ATG16L2: variants seen among roughly 807,000 people sequenced by gnomAD.
ATG16L2 encodes autophagy related 16 like 2, also known as protein Atg16l2.
ATG16L2 carries 77 observed loss-of-function variants against 84.7 expected under a neutral mutation model. That is an observed-to-expected ratio of 0.91 (90% CI 0.76 to 1.10). The LOEUF (loss-of-function observed/expected upper bound fraction) is 1.10, where lower values mean the gene tolerates loss of function less well. Among genes scored for constraint, ATG16L2 ranks in the 50% least tolerant of loss-of-function variants. The pLI, the probability that ATG16L2 is intolerant of heterozygous loss-of-function variation, is 0.00. For synonymous variants in ATG16L2, 361 were observed against 342.8 expected, an observed-to-expected ratio of 1.05 and a Z score of -0.59; for missense variants, 782 against 817.6, an observed-to-expected ratio of 0.96 and a Z score of 0.53.
rs772692861 is a variant in ATG16L2 at position 72,822,427 on chromosome 11, C to G, written c.645-51C>G. On this transcript the variant is annotated intron_variant, in intron 5 of 17. Coordinates refer to ENST00000321297, the MANE Select transcript of ATG16L2 (RefSeq NM_033388.2). The surrounding 1 kb of genome is among the most constrained non-coding windows in gnomAD (Gnocchi z 4.2). ...AGGAAGGGACCGGGTCTAGCCCCGC[C>G]TGCGTGCGAGGCGCCGCGCCAGGGT... 1 of 1,611,052 alleles carries G rather than the reference C, an allele frequency of 6.2e-7. No homozygotes were observed. The highest frequency in any genetic ancestry group is 8.5e-7 in the Non-Finnish European group (1 of 1,178,552).
chr11:72,827,185 C>T lies in ATG16L2; in HGVS notation c.1367-3C>T, dbSNP rs775557791. ...GCCCTGGGGTCTGCTGCTTGGTCCC[C>T]AGGCTCCAGGACCATCAATGTCCTT... is the stretch of plus-strand genomic sequence containing the variant. On this transcript the variant is annotated splice_polypyrimidine_tract_variant and splice_region_variant and intron_variant, in intron 13 of 17. Transcript: ENST00000321297. The T allele has an allele frequency of 6.2e-7, 1 of 1,612,294 alleles. No individual in the cohort carries two copies. The highest frequency in any genetic ancestry group is 1.1e-5 in the South Asian group (1 of 91,044).
chr11:72,824,720 C>G lies in ATG16L2; in HGVS notation c.888-14C>G. 6.2e-7 allele frequency: 1 copy of G among 1,609,314 alleles called. No homozygotes were observed. Among genetic ancestry groups the G allele is most frequent in the Non-Finnish European group, 8.5e-7 (1 of 1,175,752 alleles). On this transcript the variant is annotated splice_polypyrimidine_tract_variant and intron_variant, in intron 8 of 17. Transcript: ENST00000321297. ...TGCTGAATGCCCTCCTGACCCCAAC[C>G]CACCTTACCCCAGTTTTAAGAAGAG...
At chr11:72,828,600 G>A (rs1031951151) in intron 15 of ATG16L2, 92 bp downstream of exon 15, 6 of 1,595,576 alleles carry the variant, frequency 3.8e-6, no homozygotes, top group Non-Finnish European at 5.1e-6. Flanking sequence ...GCCCTCCCTG[G>A]AGGCCCCTCC....
In ATG16L2 at chr11:72,826,461, G is replaced by A. The variant is rs566160132; in HGVS notation, c.1174-57G>A. ...AGGCAGCCCCTAGCCTCATTCTGTG[G>A]CCCGAAGAATGTTGCCTCCGGCTTA... On this transcript the variant is annotated intron_variant, in intron 11 of 17. Coordinates refer to ENST00000321297, the MANE Select transcript of ATG16L2 (RefSeq NM_033388.2). 1.0e-4 allele frequency: 163 copies of A among 1,604,986 alleles called. 4 individuals are homozygous for A. In the South Asian group the frequency reaches 1.7e-3, roughly 17 times the overall value.
intron 11 of ATG16L2, 85 bp downstream of exon 11, chr11:72,826,328 G>A (rs1044149021): frequency 6.3e-5 from 94 of 1,481,318 alleles, no homozygotes; most frequent in African/African-American, 1.2e-4. Flanking sequence ...ACCTGAGGGC[G>A]CAACATGGAT....
intron 7 of ATG16L2, 110 bp from the exon 8 acceptor site, chr11:72,823,950 C>T: frequency 2.5e-6 from 3 of 1,223,290 alleles, no homozygotes; most frequent in Admixed American, 3.4e-5. Flanking sequence ...TTATCCCAGA[C>T]TTGAGAGGTT....
chr11:72,828,732 C>T lies in ATG16L2; in HGVS notation c.1626C>T (p.Ala542=), dbSNP rs368728875. Residue 542 remains alanine (A), a synonymous_variant, in exon 16 of 18, where the codon GCC becomes GCT. Transcript: ENST00000321297. ...CCCCAGCCCTGTCTGTCCTCAGGGC[C>T]GATGGCTTCAAGTGTGGTTCTGACT... ...RVSNIRQVFR[A]DGFKCGSDWT... is the part of the protein sequence containing the mutation. 88 of 1,614,160 alleles carry T rather than the reference C, an allele frequency of 5.5e-5. No homozygotes were observed. The highest frequency in any genetic ancestry group is 6.3e-5 in the Non-Finnish European group (74 of 1,180,012).
chr11:72,834,428 T>C (rs575287927), downstream of ATG16L2, among the ~76,000 whole-genome samples: 20 of 152,330 alleles, frequency 1.3e-4, no homozygotes, highest in East Asian at 3.7e-3. Flanking sequence ...AGTGGCTTGC[T>C]TTCTTTTCAA....
chr11:72,825,209 T>C, intron 9 of ATG16L2, 93 bp from the exon 10 acceptor site: 2 of 946,206 alleles, frequency 2.1e-6, no homozygotes, highest in Non-Finnish European at 1.7e-6. Flanking sequence ...TGCAGCAGGC[T>C]GTGTCTGCAC....
intron 5 of ATG16L2, chr11:72,838,701 C>A: frequency 9.5e-7 from 1 of 1,057,086 alleles, no homozygotes. Flanking sequence ...GTTCAAGAGT[C>A]ATCATCATGC....
At position 72,822,298 on chromosome 11, in the gene ATG16L2, G is replaced by A. The variant is rs1022854584; in HGVS notation, c.644+3G>A. ...CTGCGCAACGAGCGCCGGGAGCGGT[G>A]AGGGAGCAGGCCCCGCCCCTCCTGA... On this transcript the variant is annotated splice_donor_region_variant and intron_variant, in intron 5 of 17. Coordinates refer to ENST00000321297, the MANE Select transcript of ATG16L2 (RefSeq NM_033388.2). This position sits in a 1 kb window ranked among gnomAD's most constrained non-coding sequence, Gnocchi z 4.2. 2 of 1,513,976 alleles carry A rather than the reference G, an allele frequency of 1.3e-6. No homozygotes were observed. Among genetic ancestry groups the A allele is most frequent in the Admixed American group, 4.5e-5 (2 of 44,400 alleles). The allele number at this position is 1,513,976 out of a possible 1,614,324, so 93.8% of individuals were successfully genotyped here. A position where few individuals can be genotyped will look rare whatever the true frequency, so the allele number is the denominator to read the frequency against.
At chr11:72,843,038 T>C (rs1337284372) in exon 6 of ATG16L2, 2 of 1,062,082 alleles carry the variant, frequency 1.9e-6, no homozygotes, top group East Asian at 2.6e-5. Context: ...AAGAAAAGCA[T>C]ATTATAGGAC....
intron 2 of ATG16L2, among the ~76,000 whole-genome samples, chr11:72,817,179 C>A (rs1277107195): frequency 1.3e-5 from 2 of 151,936 alleles, no homozygotes; most frequent in African/African-American, 4.8e-5. Flanking sequence ...CTACCTGTTG[C>A]AAAGAGGGAG....
At chr11:72,819,565 T>C (rs1349449925) in intron 3 of ATG16L2, among the ~76,000 whole-genome samples, 2 of 152,134 alleles carry the variant, frequency 1.3e-5, no homozygotes. Flanking sequence ...GCTCCTAGCC[T>C]GGCTCCCCCG....
intron 5 of ATG16L2, chr11:72,838,070 T>C (rs1326448493): frequency 6.6e-6 from 1 of 152,234 alleles, no homozygotes; most frequent in Non-Finnish European, 1.5e-5. Context: ...CTCCTTTCTA[T>C]TAGTCTATGT....
chr11:72,840,302 A>T (rs1318010154), intron 5 of ATG16L2, among the ~76,000 whole-genome samples: 2 of 152,226 alleles, frequency 1.3e-5, no homozygotes, highest in Non-Finnish European at 2.9e-5. Flanking sequence ...AGCCAGTGGT[A>T]AAGGAATGGT....
At position 72,826,697 on chromosome 11, in the gene ATG16L2, G is replaced by C. The variant is rs1434216843; in HGVS notation, c.1246-6G>C. On this transcript the variant is annotated splice_region_variant and splice_polypyrimidine_tract_variant and intron_variant, in intron 12 of 17. Transcript: ENST00000321297. ...CTCTTGATCCGTACCTGGGGCCGGG[G>C]TACAGGAGACACTGTCTGGACACAA... 6.2e-7 allele frequency: 1 copy of C among 1,614,140 alleles called. No individual in the cohort carries two copies.
chr11:72,821,447 G>A, intron 3 of ATG16L2: 1 of 1,376,494 alleles, frequency 7.3e-7, no homozygotes, highest in Non-Finnish European at 9.4e-7. Flanking sequence ...GGCACGGCGA[G>A]GATTGGGACC....
chr11:72,817,247 T>A (rs2135073320), intron 2 of ATG16L2, among the ~76,000 whole-genome samples: 1 of 152,140 alleles, frequency 6.6e-6, no homozygotes. Flanking sequence ...TTTGCTTTTT[T>A]TTTTTTGAGA....
Sources: gnomAD v4.1 joint callset for allele counts (sites outside exome capture counted in the v4.1 genomes callset) on GRCh38, gnomAD v4.1.1 for gene constraint, Gnocchi (gnomAD v3.1) non-coding constraint, MANE v1.5 for transcripts, NCBI Gene and HGNC (gene_info 2026-07-23, HGNC 2026-07-21) for gene names.